Variants in RALGAPA2 observed in about 807,000 individuals in gnomAD.
The protein encoded by RALGAPA2 is Ral GTPase activating protein catalytic subunit alpha 2.
A neutral mutation model predicts 230.4 loss-of-function variants in RALGAPA2; 139 were observed. That is an observed-to-expected ratio of 0.60 (90% confidence interval 0.53 to 0.69). RALGAPA2 has a LOEUF of 0.69. Among genes scored for constraint, RALGAPA2 ranks in the 30% least tolerant of loss-of-function variants. The pLI is 0.00. For synonymous variants in RALGAPA2, 847 were observed against 837.8 expected (o/e 1.01, Z -0.19); for missense variants, 2,163 against 2,276.0 (o/e 0.95, Z 1.01).
At chr20:20,424,734 T>A (rs894240979) in intron 37 of RALGAPA2, among the ~76,000 whole-genome samples, 2 of 151,994 alleles carry the variant, frequency 1.3e-5, no homozygotes, top group African/African-American at 4.8e-5. Context: ...CACACCAACA[T>A]GGCACATATA....
At chr20:20,455,115 T>G (rs1184895098) in intron 37 of RALGAPA2, among the ~76,000 whole-genome samples, 1 of 152,236 alleles carries the variant, frequency 6.6e-6, no homozygotes, top group Non-Finnish European at 1.5e-5. Context: ...AAACAGAATG[T>G]GTCCCTAGGA....
At chr20:20,409,325 T>G (rs949183253) in intron 38 of RALGAPA2, among the ~76,000 whole-genome samples, 1 of 152,250 alleles carries the variant, frequency 6.6e-6, no homozygotes, top group Non-Finnish European at 1.5e-5. Flanking sequence ...ACCAATACAG[T>G]GCAGAATGAA....
chr20:20,627,158 C>A (rs371690281), intron 10 of RALGAPA2, among the ~76,000 whole-genome samples: 1 of 152,034 alleles, frequency 6.6e-6, no homozygotes, highest in East Asian at 1.9e-4. Context: ...AGGATGGGAG[C>A]TCCAAGGAGA....
In RALGAPA2 at chr20:20,521,068, C is replaced by G. The variant is rs752146492; in HGVS notation, c.3933G>C (p.Thr1311=). Residue 1311 remains threonine (T), a synonymous_variant, in exon 31 of 40, where the codon ACG becomes ACC. Transcript: ENST00000202677. ...GTATGTAGTGACTCTGTTGGGTGTA[C>G]GTGCTTGAGCCACACACACAGCAGT... The part of the protein sequence containing the change: ...VLHCCVCGSS[T]YTQQSHYILT... 7.4e-6 allele frequency: 12 copies of G among 1,613,050 alleles called. No individual in the cohort carries two copies. Among genetic ancestry groups the G allele is most frequent in the Admixed American group, 1.7e-5 (1 of 59,984 alleles).
intron 31 of RALGAPA2, among the ~76,000 whole-genome samples, chr20:20,520,015 G>A (rs912504743): frequency 6.6e-6 from 1 of 152,106 alleles, no homozygotes; most frequent in African/African-American, 2.4e-5. Context: ...CCAAAGTGAC[G>A]GGATTACAGG....
chr20:20,658,027 T>C (rs1173768255), intron 3 of RALGAPA2, among the ~76,000 whole-genome samples: 1 of 152,222 alleles, frequency 6.6e-6, no homozygotes, highest in Non-Finnish European at 1.5e-5. Context: ...TGTATCTACA[T>C]GCTTAGATAC....
intron 38 of RALGAPA2, among the ~76,000 whole-genome samples, chr20:20,407,795 G>A (rs1202038677): frequency 6.6e-6 from 1 of 152,176 alleles, no homozygotes; most frequent in Non-Finnish European, 1.5e-5. Context: ...TTCCACGAGG[G>A]CATCCAAGCA....
intron 4 of RALGAPA2, among the ~76,000 whole-genome samples, chr20:20,649,389 TG>T (rs1419879488): frequency 6.6e-6 from 1 of 152,186 alleles, no homozygotes; most frequent in Non-Finnish European, 1.5e-5. Context: ...CCAGGCAATG[TG>T]GGGCCACTGG....
chr20:20,586,564 C>T (rs985095591), intron 18 of RALGAPA2, among the ~76,000 whole-genome samples: 2 of 152,052 alleles, frequency 1.3e-5, no homozygotes, highest in Admixed American at 1.3e-4. Context: ...ATAAAAAATT[C>T]AGAATTGCAA....
intron 1 of RALGAPA2, among the ~76,000 whole-genome samples, chr20:20,683,663 T>C (rs2068598992): frequency 6.6e-6 from 1 of 152,172 alleles, no homozygotes; most frequent in Admixed American, 6.5e-5. Flanking sequence ...AACAGCAGAA[T>C]TGCACAAAAC....
chr20:20,458,562 TATATATATA>T (rs1219533108), intron 37 of RALGAPA2, among the ~76,000 whole-genome samples: 2 of 126,234 alleles, frequency 1.6e-5, no homozygotes, highest in East Asian at 4.2e-4. Flanking sequence ...TTATATATAT[TATATATATA>T]ATATATATAC....
intron 37 of RALGAPA2, among the ~76,000 whole-genome samples, chr20:20,419,088 C>T (rs963487734): frequency 2.0e-5 from 3 of 152,054 alleles, no homozygotes; most frequent in Admixed American, 6.5e-5. Flanking sequence ...CTTAGGGCTA[C>T]ACACATATGT....
At chr20:20,633,837 A>G (rs531895894) in intron 9 of RALGAPA2, among the ~76,000 whole-genome samples, 1 of 152,326 alleles carries the variant, frequency 6.6e-6, no homozygotes, top group South Asian at 2.1e-4. Context: ...CATTTGCTTC[A>G]GTATGTTGTA....
intron 37 of RALGAPA2, among the ~76,000 whole-genome samples, chr20:20,450,635 G>A (rs1222848932): frequency 1.3e-5 from 2 of 152,228 alleles, no homozygotes; most frequent in South Asian, 2.1e-4. Context: ...CCAAGACCCA[G>A]CTTCCTCGAG....
intron 35 of RALGAPA2, among the ~76,000 whole-genome samples, chr20:20,500,781 G>A (rs886303989): frequency 2.0e-5 from 3 of 152,180 alleles, no homozygotes; most frequent in Non-Finnish European, 4.4e-5. Flanking sequence ...CACTCCCTAT[G>A]ACAGCCATAG....
Position 20,495,295 on chromosome 20 carries a change from GTTT to G in RALGAPA2, c.5209-23_5209-21del. On this transcript the variant is annotated intron_variant, in intron 35 of 39. Coordinates refer to ENST00000202677, the MANE Select transcript of RALGAPA2 (RefSeq NM_020343.4). Reference sequence around the variant, plus strand: ...ACGAAGCTGCAACAGCAAATTGACTGTTTATTAATCAGGGTGATAACAGCAGTT... The same window carrying G: ...ACGAAGCTGCAACAGCAAATTGACTGATTAATCAGGGTGATAACAGCAGTT... 7 of 1,504,910 alleles carry G rather than the reference GTTT, an allele frequency of 4.7e-6. No homozygotes were observed. Among genetic ancestry groups the G allele is most frequent in the Non-Finnish European group, 6.3e-6 (7 of 1,108,554 alleles). 93.2% of individuals were successfully genotyped at this position (1,504,910 alleles called of 1,614,324 possible).
chr20:20,406,469 T>G (rs1373607626), intron 38 of RALGAPA2, among the ~76,000 whole-genome samples: 1 of 152,040 alleles, frequency 6.6e-6, no homozygotes, highest in Non-Finnish European at 1.5e-5. Context: ...CCAGAAGGGA[T>G]TATGGGGGTA....
At chr20:20,694,836 C>T (rs6082106) in intron 1 of RALGAPA2, among the ~76,000 whole-genome samples, 4,464 of 152,248 alleles carry the variant, frequency 0.029, 87 homozygotes, top group South Asian at 0.065. Flanking sequence ...CTGGAAAGCA[C>T]GTTCACCGGG....
intron 37 of RALGAPA2, 78 bp from the exon 38 acceptor site, chr20:20,412,226 G>A (rs955974201): frequency 5.8e-6 from 9 of 1,556,424 alleles, no homozygotes; most frequent in South Asian, 2.3e-5. Context: ...TTTTAATACC[G>A]TTGTGCAATT....
Sources: gnomAD v4.1 joint callset for allele counts (sites outside exome capture counted in the v4.1 genomes callset) on GRCh38, gnomAD v4.1.1 for gene constraint, MANE v1.5 for transcripts, NCBI Gene and HGNC (gene_info 2026-07-23, HGNC 2026-07-21) for gene names.